USP10: variants seen among roughly 807,000 people sequenced by gnomAD.
USP10 encodes ubiquitin carboxyl-terminal hydrolase 10.
A neutral mutation model predicts 84.5 loss-of-function variants in USP10; 22 were observed. The ratio of observed to expected loss-of-function variants is 0.26; its 90% CI spans 0.19 to 0.37. USP10 has a LOEUF of 0.37. Ranked by LOEUF, USP10 falls within the 10% of genes least tolerant of loss-of-function variation. USP10 has a pLI of 1.00. For synonymous variants in USP10, 454 were observed against 387.6 expected, an observed-to-expected ratio of 1.17 and a Z score of -2.01; for missense variants, 1,019 against 998.9, an observed-to-expected ratio of 1.02 and a Z score of -0.27.
intron 12 of USP10, 45 bp downstream of exon 12, chr16:84,772,730 T>C (rs1297664003): frequency 6.2e-7 from 1 of 1,606,366 alleles, no homozygotes; most frequent in South Asian, 1.1e-5. Context: ...GACACACTCC[T>C]GCACATCAGA....
intron 11 of USP10, among the ~76,000 whole-genome samples, chr16:84,770,441 A>C (rs1914309829): frequency 6.6e-6 from 1 of 152,274 alleles, no homozygotes; most frequent in East Asian, 1.9e-4. Flanking sequence ...AATATTTGCT[A>C]TATAGAAAAT....
intron 1 of USP10, among the ~76,000 whole-genome samples, chr16:84,728,464 C>T (rs746668656): frequency 2.6e-5 from 4 of 151,950 alleles, no homozygotes; most frequent in African/African-American, 7.3e-5. Flanking sequence ...CTCAGCCTCC[C>T]GGGTAGCTGG....
chr16:84,718,629 T>TG (rs1907370423), intron 1 of USP10, among the ~76,000 whole-genome samples: 1 of 151,754 alleles, frequency 6.6e-6, no homozygotes, highest in Admixed American at 6.6e-5. Flanking sequence ...TCGTGGCACA[T>TG]GCCTGTAATA....
chr16:84,712,890 G>A (rs142033216), intron 1 of USP10, among the ~76,000 whole-genome samples: 2 of 152,304 alleles, frequency 1.3e-5, no homozygotes, highest in African/African-American at 4.8e-5. Flanking sequence ...ACTTAGCAAT[G>A]CAGAGAGAAT....
Position 84,759,297 on chromosome 16 carries a change from A to G in USP10, c.1285-66A>G, listed in dbSNP as rs866260862. On this transcript the variant is annotated intron_variant, in intron 5 of 13. Transcript: ENST00000219473. ...GTTTTTATAAACATTCTTGTGCTTC[A>G]TGTGCCTTCAGGAAATGTGGTGTGT... The G allele has an allele frequency of 1.2e-4, 172 of 1,429,984 alleles. 1 individual carries two copies. Among genetic ancestry groups the G allele is most frequent in the South Asian group, 1.0e-4 (9 of 86,358 alleles). The allele number at this position is 1,429,984 out of a possible 1,614,324, so 88.6% of individuals were successfully genotyped here.
At chr16:84,744,575 A>T in intron 3 of USP10, 58 bp from the exon 4 acceptor site, 1 of 1,428,480 alleles carries the variant, frequency 7.0e-7, no homozygotes, top group South Asian at 1.5e-5. Context: ...GTGAGTAATT[A>T]CTGGTACTTA....
chr16:84,730,832 A>G (rs935415487), intron 1 of USP10, among the ~76,000 whole-genome samples: 2 of 152,202 alleles, frequency 1.3e-5, no homozygotes, highest in Non-Finnish European at 2.9e-5. Flanking sequence ...CTAGGAAGAA[A>G]ACCTTCCTAA....
chr16:84,720,893 A>ATT (rs1192679893), intron 1 of USP10, among the ~76,000 whole-genome samples: 52 of 98,996 alleles, frequency 5.3e-4, no homozygotes, highest in African/African-American at 1.5e-3. Flanking sequence ...ATGATGCACA[A>ATT]TTTTTTTTTT....
At chr16:84,778,559 A>T (rs534012843) in intron 13 of USP10, among the ~76,000 whole-genome samples, 3 of 152,228 alleles carry the variant, frequency 2.0e-5, no homozygotes, top group Non-Finnish European at 4.4e-5. Context: ...ATCCAAGGGC[A>T]TGAGCCAGGT....
intron 1 of USP10, chr16:84,704,800 C>T: frequency 6.5e-7 from 1 of 1,535,698 alleles, no homozygotes; most frequent in South Asian, 1.2e-5. Flanking sequence ...TCTACCAGCA[C>T]TGCCATTCTG....
intron 1 of USP10, among the ~76,000 whole-genome samples, chr16:84,718,578 A>G (rs561126546): frequency 4.5e-4 from 68 of 152,084 alleles, no homozygotes; most frequent in South Asian, 3.1e-3. Flanking sequence ...CAACATGGTA[A>G]AACCCTGTCC....
At chr16:84,713,374 C>G (rs1906560824) in intron 1 of USP10, among the ~76,000 whole-genome samples, 1 of 151,998 alleles carries the variant, frequency 6.6e-6, no homozygotes, top group African/African-American at 2.4e-5. Flanking sequence ...CCCACTTTAC[C>G]CACCTTTAAA....
At chr16:84,764,939 A>AAAAAAATATATATATATAT (rs370383030) in intron 10 of USP10, among the ~76,000 whole-genome samples, 2 of 132,258 alleles carry the variant, frequency 1.5e-5, no homozygotes, top group African/African-American at 5.6e-5. Flanking sequence ...GAGAAAAAAA[A>AAAAAAATATATATATATAT]ATATATATAT....
At position 84,779,919 on chromosome 16, in the gene USP10, T is replaced by G. The variant is rs1480179062; in HGVS notation, c.*837T>G. ...ATCAATAAAAATCACAAAGTTGGTT[T>G]AAAGGTGTGTGCGTGTTTCTTTGAA... On this transcript the variant is annotated 3_prime_UTR_variant, in exon 14 of 14. Coordinates refer to ENST00000219473, the MANE Select transcript of USP10 (RefSeq NM_005153.3). 1 of 152,188 alleles carries G rather than the reference T, an allele frequency of 6.6e-6. No individual in the cohort carries two copies. Among genetic ancestry groups the G allele is most frequent in the Non-Finnish European group, 1.5e-5 (1 of 68,028 alleles). The allele number at this position is 152,188 out of a possible 1,614,324, so 9.4% of individuals were successfully genotyped here.
chr16:84,775,176 G>T lies in USP10; in HGVS notation c.2160G>T (p.Gly720=). The change falls in exon 13 of 14, where the codon GGG becomes GGT. Residue 720 remains glycine (G), a synonymous_variant. Coordinates refer to ENST00000219473, the MANE Select transcript of USP10 (RefSeq NM_005153.3). ...LEISKELLSP[G]VKNKNFKCHR... Reference sequence around the variant, plus strand: ...GTTTTCCAGAACTGCTTTCTCCAGGGGTTAAAAATAAGAATTTTAAATGCC... The same window carrying T: ...GTTTTCCAGAACTGCTTTCTCCAGGTGTTAAAAATAAGAATTTTAAATGCC... 6.2e-7 allele frequency: 1 copy of T among 1,613,750 alleles called. No homozygotes were observed. Among genetic ancestry groups the T allele is most frequent in the Non-Finnish European group, 8.5e-7 (1 of 1,179,724 alleles).
rs566166041 is a variant in USP10, at chr16:84,732,479, C to T, written c.22-956C>T. The T allele has an allele frequency of 5.1e-4, 199 of 387,774 alleles. 2 individuals are homozygous for T. Among genetic ancestry groups the T allele is most frequent in the South Asian group, 3.1e-3 (173 of 56,008 alleles). The allele number at this position is 387,774 out of a possible 1,614,324, so 24.0% of individuals were successfully genotyped here. On this transcript the variant is annotated intron_variant, in intron 1 of 13. Coordinates refer to ENST00000219473, the MANE Select transcript of USP10 (RefSeq NM_005153.3). Reference sequence around the variant, plus strand: ...TTTTTCTTTTTGAGATGGAGTCTGGCTCTGTCGCCCCGGCTGGGGTGCGGT... The same window carrying T: ...TTTTTCTTTTTGAGATGGAGTCTGGTTCTGTCGCCCCGGCTGGGGTGCGGT...
chr16:84,711,234 G>GT (rs1468523703), intron 1 of USP10, among the ~76,000 whole-genome samples: 3 of 152,100 alleles, frequency 2.0e-5, no homozygotes. Flanking sequence ...GGATTTATAA[G>GT]TTGCAAAAAA....
intron 4 of USP10, among the ~76,000 whole-genome samples, chr16:84,746,589 A>G (rs1041569736): frequency 6.6e-6 from 1 of 152,230 alleles, no homozygotes; most frequent in African/African-American, 2.4e-5. Flanking sequence ...GGTATAAAGG[A>G]TGAAAAGTGC....
intron 1 of USP10, chr16:84,704,895 G>C (rs1315170581): frequency 6.5e-7 from 1 of 1,535,660 alleles, no homozygotes; most frequent in East Asian, 2.4e-5. Context: ...GTTTGGGGCT[G>C]TTACAGCCTG....
Sources: gnomAD v4.1 joint callset for allele counts (sites outside exome capture counted in the v4.1 genomes callset) on GRCh38, gnomAD v4.1.1 for gene constraint, MANE v1.5 for transcripts, NCBI Gene and HGNC (gene_info 2026-07-23, HGNC 2026-07-21) for gene names.